PIK3R5: variants seen among roughly 807,000 people sequenced by gnomAD.
The protein encoded by PIK3R5 is phosphoinositide 3-kinase regulatory subunit 5.
Under a neutral mutation model 94.9 loss-of-function variants are expected in PIK3R5, and 32 were observed. The ratio of observed to expected loss-of-function variants is 0.34; its 90% CI spans 0.25 to 0.45. The LOEUF is 0.45. Ranked by LOEUF, PIK3R5 falls within the 20% of genes least tolerant of loss-of-function variation. PIK3R5 has a pLI of 1.00. For synonymous variants in PIK3R5, 443 were observed against 479.4 expected, an observed-to-expected ratio of 0.92 and a Z score of 0.99; for missense variants, 853 against 1,144.6, an observed-to-expected ratio of 0.75 and a Z score of 3.68.
intron 1 of PIK3R5, among the ~76,000 whole-genome samples, chr17:8,939,489 A>C (rs1249769781): frequency 6.6e-6 from 1 of 152,222 alleles, no homozygotes; most frequent in Non-Finnish European, 1.5e-5. Context: ...TCTCATTAAC[A>C]CATGAAATAA....
chr17:8,894,892 G>A (rs957707356), intron 5 of PIK3R5, among the ~76,000 whole-genome samples: 1 of 152,012 alleles, frequency 6.6e-6, no homozygotes, highest in Non-Finnish European at 1.5e-5. Flanking sequence ...TAGGGCGGGG[G>A]TTGGGGTTTA....
Position 8,945,578 on chromosome 17 carries a change from T to C in PIK3R5, c.-14+20018A>G, listed in dbSNP as rs1252588598. On this transcript the variant is annotated intron_variant, in intron 1 of 18. Coordinates refer to ENST00000447110, the MANE Select transcript of PIK3R5 (RefSeq NM_001142633.3). The surrounding 1 kb of genome is among the most constrained non-coding windows in gnomAD (Gnocchi z 4.0). ...TGCTAGACAGGAGGCAAAGCAGACA[T>C]CTCAAATCCACCGTAGTCCAGAAAC... 6.6e-6 allele frequency among the ~76,000 whole-genome samples: 1 copy of C among 152,134 alleles called. No individual in the cohort carries two copies. Among genetic ancestry groups the C allele is most frequent in the Non-Finnish European group, 1.5e-5 (1 of 68,010 alleles).
intron 2 of PIK3R5, among the ~76,000 whole-genome samples, chr17:8,910,938 G>T (rs1455579419): frequency 6.6e-6 from 1 of 152,164 alleles, no homozygotes; most frequent in African/African-American, 2.4e-5. Flanking sequence ...AGTCCTGGGA[G>T]GTGGGAAACA....
Position 8,881,558 on chromosome 17 carries a change from T to A in PIK3R5, c.2382+72A>T. On this transcript the variant is annotated intron_variant, in intron 17 of 18. Coordinates refer to ENST00000447110, the MANE Select transcript of PIK3R5 (RefSeq NM_001142633.3). This position sits in a 1 kb window ranked among gnomAD's most constrained non-coding sequence, Gnocchi z 4.8. ...ACACACATACATGTGCACACACACG[T>A]ACACACATACGCACATGCACGCTCC... is the stretch of plus-strand genomic sequence containing the variant. 8.5e-7 allele frequency: 1 copy of A among 1,170,800 alleles called. No homozygotes were observed. The highest frequency in any genetic ancestry group is 1.3e-6 in the Non-Finnish European group (1 of 795,718). The allele number at this position is 1,170,800 out of a possible 1,614,324, so 72.5% of individuals were successfully genotyped here. A position where few individuals can be genotyped will look rare whatever the true frequency, so the allele number is the denominator to read the frequency against.
chr17:8,917,046 C>T (rs1277233984), intron 1 of PIK3R5, among the ~76,000 whole-genome samples: 1 of 152,174 alleles, frequency 6.6e-6, no homozygotes, highest in Non-Finnish European at 1.5e-5. Context: ...CTTGACTCTC[C>T]CTTCTCTGCC....
In PIK3R5 at chr17:8,905,670, C is replaced by A; in HGVS notation, c.272G>T (p.Cys91Phe). ...LALLFYSTVL[C>F]TPHFPPDSDL... ...GCATCCTGGCCCACGTGGACTTACA[C>A]AAAGAACAGTGGAATAGAAGAGCAG... Residue 91 changes from cysteine (C) to phenylalanine (F), a missense_variant and splice_region_variant, in exon 4 of 19, where the codon TGT (cysteine) becomes TTT (phenylalanine). By Grantham distance (205) the Cys-to-Phe change is radical (BLOSUM62 -2). Coordinates refer to ENST00000447110, the MANE Select transcript of PIK3R5 (RefSeq NM_001142633.3). 6.2e-7 allele frequency: 1 copy of A among 1,600,322 alleles called. No homozygotes were observed. The highest frequency in any genetic ancestry group is 8.5e-7 in the Non-Finnish European group (1 of 1,173,474).
At position 8,948,647 on chromosome 17, in the gene PIK3R5, T is replaced by A. The variant is rs527971975; in HGVS notation, c.-14+16949A>T. ...TACACACCCAGCAGAAGGGCCAAAA[T>A]GAAAAAGGCAAAAAAAAGCACTGTT... On this transcript the variant is annotated intron_variant, in intron 1 of 18. Transcript: ENST00000447110. Among the ~76,000 whole-genome samples the A allele has an allele frequency of 4.6e-5, 7 of 151,818 alleles. No individual in the cohort carries two copies. The East Asian group carries it at 1.4e-3, about 29-fold the overall frequency.
rs2089776433 is a variant in PIK3R5, at chr17:8,884,924, G to A, written c.2129-141C>T. 1.5e-6 allele frequency: 1 copy of A among 674,454 alleles called. No homozygotes were observed. The highest frequency in any genetic ancestry group is 2.6e-6 in the Non-Finnish European group (1 of 381,616). The allele number at this position is 674,454 out of a possible 1,614,324, so 41.8% of individuals were successfully genotyped here. ...CTCCCTAGGGATCTGTCTCACCAAG[G>A]CCCTGCCTCTCTCTCTGGCTCCACG... is the stretch of plus-strand genomic sequence containing the variant. On this transcript the variant is annotated intron_variant, in intron 14 of 18. Coordinates refer to ENST00000447110, the MANE Select transcript of PIK3R5 (RefSeq NM_001142633.3). This position sits in a 1 kb window ranked among gnomAD's most constrained non-coding sequence, Gnocchi z 5.8.
In PIK3R5 at chr17:8,884,512, T is replaced by C. The variant is rs1278664975; in HGVS notation, c.2205+195A>G. ...AGAGAACATGGTGGGAGAGAGGCTT[T>C]GGAGGCCAAGAAGCACAGAGATATC... On this transcript the variant is annotated intron_variant, in intron 15 of 18. Coordinates refer to ENST00000447110, the MANE Select transcript of PIK3R5 (RefSeq NM_001142633.3). The surrounding 1 kb of genome is among the most constrained non-coding windows in gnomAD (Gnocchi z 5.8). Among the ~76,000 whole-genome samples, 1 of 152,104 alleles carries C rather than the reference T, an allele frequency of 6.6e-6. No individual in the cohort carries two copies. The highest frequency in any genetic ancestry group is 1.5e-5 in the Non-Finnish European group (1 of 68,004).
chr17:8,911,807 G>A lies in PIK3R5; in HGVS notation c.-13-300C>T, dbSNP rs1273831746. On this transcript the variant is annotated intron_variant, in intron 1 of 18. Transcript: ENST00000447110. This position sits in a 1 kb window ranked among gnomAD's most constrained non-coding sequence, Gnocchi z 5.3. The stretch of plus-strand genomic sequence containing the variant: ...GAAAGGGCACTGGGCAGTGGGAAGT[G>A]TCGCCAAGTACCCAGGGAGTGGTCA... 1.2e-5 allele frequency: 3 copies of A among 243,428 alleles called. No individual in the cohort carries two copies. The highest frequency in any genetic ancestry group is 6.8e-5 in the African/African-American group (3 of 44,286). The allele number at this position is 243,428 out of a possible 1,614,324, so 15.1% of individuals were successfully genotyped here.
At position 8,961,228 on chromosome 17, in the gene PIK3R5, A is replaced by C. The variant is rs920520173; in HGVS notation, c.-14+4368T>G. 2.0e-5 allele frequency among the ~76,000 whole-genome samples: 3 copies of C among 152,196 alleles called. No individual in the cohort carries two copies. In the South Asian group the frequency reaches 6.2e-4, roughly 32 times the overall value. ...GAAGCAACAGCACACGCAAAGGTGC[A>C]GAGGTCTCCTCAGGCTACAGGAGAG... On this transcript the variant is annotated intron_variant, in intron 1 of 18. Transcript: ENST00000447110.
chr17:8,915,658 G>A (rs1302469287), intron 1 of PIK3R5: 1 of 152,258 alleles, frequency 6.6e-6, no homozygotes, highest in Non-Finnish European at 1.5e-5. Context: ...TGTGATCTGG[G>A]TTTTAAGACC....
At position 8,889,080 on chromosome 17, in the gene PIK3R5, C is replaced by T; in HGVS notation, c.895+59G>A. ...GGGTGGGAGCTGCATGGACCCAGGA[C>T]CAGAAACACAGCTCAGGCAGTGTGG... On this transcript the variant is annotated intron_variant, in intron 9 of 18. Coordinates refer to ENST00000447110, the MANE Select transcript of PIK3R5 (RefSeq NM_001142633.3). This position sits in a 1 kb window ranked among gnomAD's most constrained non-coding sequence, Gnocchi z 4.1. 5 of 1,563,328 alleles carry T rather than the reference C, an allele frequency of 3.2e-6. No homozygotes were observed. Among genetic ancestry groups the T allele is most frequent in the East Asian group, 2.2e-5 (1 of 44,658 alleles).
chr17:8,942,861 C>T (rs1239828327), intron 1 of PIK3R5, among the ~76,000 whole-genome samples: 1 of 151,972 alleles, frequency 6.6e-6, no homozygotes, highest in Non-Finnish European at 1.5e-5. Context: ...CCGCCTCGGC[C>T]TCCCAAAGTG....
chr17:8,888,988 C>A lies in PIK3R5; in HGVS notation c.896-97G>T, dbSNP rs1275272318. Reference sequence around the variant, plus strand: ...GGAGACAGCAGGACTCAGGGCCAGCCCAGGACTCCTAGCACTGCCCCCTTG... The same window carrying A: ...GGAGACAGCAGGACTCAGGGCCAGCACAGGACTCCTAGCACTGCCCCCTTG... On this transcript the variant is annotated intron_variant, in intron 9 of 18. Transcript: ENST00000447110. This position sits in a 1 kb window ranked among gnomAD's most constrained non-coding sequence, Gnocchi z 7.8. 1.3e-6 allele frequency: 2 copies of A among 1,530,126 alleles called. No individual in the cohort carries two copies. The highest frequency in any genetic ancestry group is 1.9e-5 in the Admixed American group (1 of 52,426). The allele number at this position is 1,530,126 out of a possible 1,614,324, so 94.8% of individuals were successfully genotyped here.
At position 8,953,347 on chromosome 17, in the gene PIK3R5, T is replaced by C. The variant is rs535340390; in HGVS notation, c.-14+12249A>G. ...GCTAGTCCTTGTTCAACTCCACCCA[T>C]CATCTCCCTCCTCAACCCCACCCTT... On this transcript the variant is annotated intron_variant, in intron 1 of 18. Coordinates refer to ENST00000447110, the MANE Select transcript of PIK3R5 (RefSeq NM_001142633.3). 1.6e-4 allele frequency among the ~76,000 whole-genome samples: 25 copies of C among 152,272 alleles called. No individual in the cohort carries two copies. In the East Asian group the frequency reaches 4.2e-3, roughly 26 times the overall value.
intron 3 of PIK3R5, among the ~76,000 whole-genome samples, chr17:8,907,116 T>A (rs551023994): frequency 1.3e-5 from 2 of 152,088 alleles, no homozygotes; most frequent in Non-Finnish European, 2.9e-5. Flanking sequence ...CTCCGCCTCC[T>A]GGGTTCAACC....
rs899308200 is a variant in PIK3R5, at chr17:8,925,949, T to C, written c.-13-14442A>G. Among the ~76,000 whole-genome samples, 3 of 152,116 alleles carry C rather than the reference T, an allele frequency of 2.0e-5. No individual in the cohort carries two copies. Among genetic ancestry groups the C allele is most frequent in the Non-Finnish European group, 4.4e-5 (3 of 68,020 alleles). On this transcript the variant is annotated intron_variant, in intron 1 of 18. Coordinates refer to ENST00000447110, the MANE Select transcript of PIK3R5 (RefSeq NM_001142633.3). This position sits in a 1 kb window ranked among gnomAD's most constrained non-coding sequence, Gnocchi z 5.1. Reference sequence around the variant, plus strand: ...AGAGGTCTGGGCTACAGCTCTCTATTTGGGAGTTCACATGGTGCTGTGGTC... The same window carrying C: ...AGAGGTCTGGGCTACAGCTCTCTATCTGGGAGTTCACATGGTGCTGTGGTC...
intron 5 of PIK3R5, among the ~76,000 whole-genome samples, chr17:8,895,939 A>G (rs1264045778): frequency 6.6e-6 from 1 of 152,026 alleles, no homozygotes; most frequent in Non-Finnish European, 1.5e-5. Context: ...CCAAAACACC[A>G]TCAACCCCCT....
Sources: gnomAD v4.1 joint callset for allele counts (sites outside exome capture counted in the v4.1 genomes callset) on GRCh38, gnomAD v4.1.1 for gene constraint, Gnocchi (gnomAD v3.1) non-coding constraint, MANE v1.5 for transcripts, NCBI Gene and HGNC (gene_info 2026-07-23, HGNC 2026-07-21) for gene names.